The following DHX15 variants were observed in gnomAD, a reference collection of about 807,000 sequenced individuals.
DHX15 encodes the protein DEAH-box helicase 15, also known as ATP-dependent RNA helicase DHX15.
A neutral mutation model predicts 94.4 loss-of-function variants in DHX15; 11 were observed. The ratio of observed to expected loss-of-function variants is 0.12; its 90% confidence interval spans 0.07 to 0.19. The LOEUF is 0.19. Among genes scored for constraint, DHX15 ranks in the 10% least tolerant of loss-of-function variants. The probability of loss-of-function intolerance (pLI) is 1.00; values close to 1 mark genes in which losing one functional copy is unlikely to be tolerated. For missense variants in DHX15, 304 were observed against 988.5 expected, an observed-to-expected ratio of 0.31 and a Z score of 9.29; for synonymous variants, 338 against 329.9, an observed-to-expected ratio of 1.02 and a Z score of -0.27.
At chr4:24,580,145 C>G (rs374432725) in intron 1 of DHX15, among the ~76,000 whole-genome samples, 1 of 152,178 alleles carries the variant, frequency 6.6e-6, no homozygotes. Context: ...TAGTGACTCA[C>G]GCATGTAATC....
chr4:24,568,840 T>C (rs1722054073), intron 3 of DHX15, among the ~76,000 whole-genome samples: 3 of 152,230 alleles, frequency 2.0e-5, no homozygotes, highest in Admixed American at 2.0e-4. Flanking sequence ...GCTTATGCAA[T>C]TATTGTCAAT....
At chr4:24,533,075 GA>G in intron 11 of DHX15, 21 bp from the exon 12 acceptor site, 1 of 1,601,678 alleles carries the variant, frequency 6.2e-7, no homozygotes, top group Non-Finnish European at 8.6e-7. Flanking sequence ...AGAAGGCGGG[GA>G]GAAAAGAAGG....
rs1414879548 is a variant in DHX15, at chr4:24,554,765, T to A, written c.1040A>T (p.Glu347Val). The stretch of plus-strand genomic sequence containing the variant: ...GAAAAGAAGAAGATCTCCCTCTTCC[T>A]CTTCACACATATGAATCTGGATAAC... ...RTVIQIHMCEEEEGDLLLFLT... is the reference protein window; with the variant it reads ...RTVIQIHMCEVEEGDLLLFLT... Residue 347 changes from glutamate to valine, a missense_variant, in exon 5 of 14, where the codon GAG (glutamate) becomes GTG (valine). By Grantham distance (121) the Glu-to-Val change is moderately radical (BLOSUM62 -2). This residue lies in a region of DHX15 where 40 missense variants were observed against 107.1 expected (regional missense o/e 0.37). Coordinates refer to ENST00000336812, the MANE Select transcript of DHX15 (RefSeq NM_001358.3). The A allele has an allele frequency of 6.2e-7, 1 of 1,613,632 alleles. No homozygotes were observed. Among genetic ancestry groups the A allele is most frequent in the African/African-American group, 1.3e-5 (1 of 74,942 alleles).
At chr4:24,550,940 C>A (rs1721589062) in intron 5 of DHX15, among the ~76,000 whole-genome samples, 1 of 152,186 alleles carries the variant, frequency 6.6e-6, no homozygotes, top group South Asian at 2.1e-4. Context: ...ATGTGTTGTG[C>A]TGTGATGCTG....
In DHX15 at chr4:24,527,610, T is replaced by A; in HGVS notation, c.*314A>T. ...ATTACAACGATCATGCATACCATGG[T>A]CGATAATCACATTTTAGAAGCATTT... On this transcript the variant is annotated 3_prime_UTR_variant, in exon 14 of 14. Coordinates refer to ENST00000336812, the MANE Select transcript of DHX15 (RefSeq NM_001358.3). 1 of 233,638 alleles carries A rather than the reference T, an allele frequency of 4.3e-6. No homozygotes were observed. The highest frequency in any genetic ancestry group is 2.2e-5 in the African/African-American group (1 of 44,716). 14.5% of individuals were successfully genotyped at this position (233,638 alleles called of 1,614,324 possible).
At chr4:24,564,061 C>T (rs1241073135) in intron 3 of DHX15, among the ~76,000 whole-genome samples, 3 of 53,278 alleles carry the variant, frequency 5.6e-5, no homozygotes, top group Non-Finnish European at 7.6e-5. Context: ...AGCAAGACTC[C>T]GTCTCAAAAA....
chr4:24,558,042 C>T (rs1270304749), intron 3 of DHX15, among the ~76,000 whole-genome samples: 1 of 151,728 alleles, frequency 6.6e-6, no homozygotes, highest in Non-Finnish European at 1.5e-5. Flanking sequence ...CATATTTACA[C>T]CCTATTGCTC....
intron 3 of DHX15, among the ~76,000 whole-genome samples, chr4:24,565,955 C>T (rs925131815): frequency 1.3e-5 from 2 of 152,020 alleles, no homozygotes; most frequent in Non-Finnish European, 2.9e-5. Context: ...ACAGCTAATA[C>T]GTGGGCAGAG....
rs1023598470 is a variant in DHX15 at position 24,532,853 on chromosome 4, T to C, written c.2100+11A>G. ...AATACTTAGTTATTCATTCCCATAT[T>C]ATCTACATACCTGCATAAAATACCC... On this transcript the variant is annotated intron_variant, in intron 12 of 13. Coordinates refer to ENST00000336812, the MANE Select transcript of DHX15 (RefSeq NM_001358.3). The C allele has an allele frequency of 6.4e-7, 1 of 1,560,250 alleles. No homozygotes were observed. The highest frequency in any genetic ancestry group is 1.4e-5 in the African/African-American group (1 of 72,810).
chr4:24,537,865 AG>A lies in DHX15; in HGVS notation c.1787-693del, dbSNP rs1721227437. 6.6e-6 allele frequency: 1 copy of A among 152,230 alleles called. No homozygotes were observed. Among genetic ancestry groups the A allele is most frequent in the Non-Finnish European group, 1.5e-5 (1 of 68,034 alleles). The allele number at this position is 152,230 out of a possible 1,614,324, so 9.4% of individuals were successfully genotyped here. A position where few individuals can be genotyped will look rare whatever the true frequency, so the allele number is the denominator to read the frequency against. ...CCTAGTGTTTCAGCATTTTAACAAA[AG>A]GATTAGAAAATAAAGTCCCAAATTT... On this transcript the variant is annotated intron_variant, in intron 10 of 13. Coordinates refer to ENST00000336812, the MANE Select transcript of DHX15 (RefSeq NM_001358.3). This position sits in a 1 kb window ranked among gnomAD's most constrained non-coding sequence, Gnocchi z 4.7.
intron 3 of DHX15, among the ~76,000 whole-genome samples, chr4:24,560,695 G>A (rs1234207648): frequency 6.6e-6 from 1 of 152,034 alleles, no homozygotes; most frequent in Admixed American, 6.6e-5. Context: ...CGCATATTTG[G>A]TCAAATTTAA....
chr4:24,539,393 A>G (rs1020741176), intron 10 of DHX15, among the ~76,000 whole-genome samples: 3 of 152,154 alleles, frequency 2.0e-5, no homozygotes, highest in Admixed American at 6.5e-5. Flanking sequence ...TTTCTTAACA[A>G]TATTTCTTCT....
intron 2 of DHX15, 50 bp from the exon 3 acceptor site, chr4:24,570,897 A>C (rs909138565): frequency 2.2e-5 from 34 of 1,568,704 alleles, no homozygotes; most frequent in Non-Finnish European, 2.9e-5. Flanking sequence ...CTGCATATCA[A>C]GTATATGTAA....
intron 3 of DHX15, among the ~76,000 whole-genome samples, chr4:24,562,103 T>C (rs1396169385): frequency 1.7e-5 from 2 of 116,676 alleles, no homozygotes; most frequent in Admixed American, 2.6e-4. Context: ...GTCACTGCAC[T>C]CCAGCCTGGA....
At chr4:24,568,066 G>A (rs565498905) in intron 3 of DHX15, among the ~76,000 whole-genome samples, 39 of 152,214 alleles carry the variant, frequency 2.6e-4, no homozygotes, top group Non-Finnish European at 4.4e-4. Context: ...CTATCTTATA[G>A]ACCCTTAATC....
intron 12 of DHX15, among the ~76,000 whole-genome samples, chr4:24,531,119 C>T (rs1345512279): frequency 4.0e-5 from 6 of 150,008 alleles, no homozygotes; most frequent in Non-Finnish European, 7.4e-5. Context: ...GACGGAGTCT[C>T]GCTCTGTCGC....
intron 2 of DHX15, 147 bp from the exon 3 acceptor site, chr4:24,570,994 CA>C: frequency 1.2e-6 from 1 of 809,826 alleles, no homozygotes; most frequent in Non-Finnish European, 1.9e-6. Flanking sequence ...AAACTTGTAA[CA>C]ACACAAGCTC....
chr4:24,560,956 A>G (rs1322860891), intron 3 of DHX15, among the ~76,000 whole-genome samples: 1 of 152,262 alleles, frequency 6.6e-6, no homozygotes, highest in Admixed American at 6.5e-5. Context: ...GGGTAAAGAA[A>G]CAGATGCTCA....
chr4:24,584,481 A>AC lies in DHX15; in HGVS notation c.-89dup, dbSNP rs1393948145. ...GAGGACAGCCACTTAACTCTGGAGG[A>AC]CCCCCACCCCTCCCGCTACTACAGC... On this transcript the variant is annotated 5_prime_UTR_variant, in exon 1 of 14. Coordinates refer to ENST00000336812, the MANE Select transcript of DHX15 (RefSeq NM_001358.3). The AC allele has an allele frequency of 8.7e-6, 11 of 1,260,200 alleles. No homozygotes were observed. The South Asian group carries it at 9.5e-5, about 11-fold the overall frequency. The allele number at this position is 1,260,200 out of a possible 1,614,324, so 78.1% of individuals were successfully genotyped here. A position where few individuals can be genotyped will look rare whatever the true frequency, so the allele number is the denominator to read the frequency against.
Sources: gnomAD v4.1 joint callset for allele counts (sites outside exome capture counted in the v4.1 genomes callset) on GRCh38, gnomAD v4.1.1 for gene constraint, gnomAD v4.1.1 regional missense constraint, Gnocchi (gnomAD v3.1) non-coding constraint, MANE v1.5 for transcripts, NCBI Gene and HGNC (gene_info 2026-07-23, HGNC 2026-07-21) for gene names.